KIF13B: variants seen among roughly 807,000 people sequenced by gnomAD.
KIF13B encodes kinesin family member 13B.
Under a neutral mutation model 222.0 loss-of-function variants are expected in KIF13B, and 127 were observed. The ratio of observed to expected loss-of-function variants is 0.57; its 90% CI spans 0.50 to 0.66. The LOEUF (loss-of-function observed/expected upper bound fraction) is 0.66. Among genes scored for constraint, KIF13B ranks in the 30% least tolerant of loss-of-function variants. The pLI is 0.00. For missense variants in KIF13B, 2,173 were observed against 2,379.0 expected (o/e 0.91, Z 1.80); for synonymous variants, 976 against 919.0 (o/e 1.06, Z -1.12).
rs538263784 is a variant in KIF13B, at chr8:29,139,527, C to G, written c.2613+536G>C. 2.0e-3 allele frequency among the ~76,000 whole-genome samples: 312 copies of G among 152,284 alleles called. 1 individual carries two copies. Among genetic ancestry groups the G allele is most frequent in the Non-Finnish European group, 2.2e-3 (149 of 68,016 alleles). On this transcript the variant is annotated intron_variant, in intron 21 of 39. Transcript: ENST00000524189. ...ACACCAGAAGCCCTCTCAATATACG[C>G]GAAGTCTTACAGAAAGCAGCCCAAC...
Position 29,192,407 on chromosome 8 carries a change from T to C in KIF13B, c.163-1350A>G, listed in dbSNP as rs188229846. Among the ~76,000 whole-genome samples the C allele has an allele frequency of 2.3e-3, 353 of 152,254 alleles. 2 individuals carry two copies. Among genetic ancestry groups the C allele is most frequent in the African/African-American group, 8.2e-3 (341 of 41,568 alleles). On this transcript the variant is annotated intron_variant, in intron 3 of 39. Coordinates refer to ENST00000524189, the MANE Select transcript of KIF13B (RefSeq NM_015254.4). ...TGCTGGTCCTTGAAGTTATATATGTTGTTGTTGTGTTTTTCTAGTTTTGTG... is the reference window on the plus strand; with the variant it reads ...TGCTGGTCCTTGAAGTTATATATGTCGTTGTTGTGTTTTTCTAGTTTTGTG...
chr8:29,223,309 CTGAG>C (rs1814849245), intron 2 of KIF13B, among the ~76,000 whole-genome samples: 1 of 132,488 alleles, frequency 7.5e-6, no homozygotes, highest in South Asian at 2.4e-4. Context: ...GCACTCCAGC[CTGAG>C]TGAGAGAGAC....
chr8:29,164,058 C>T (rs1811891055), intron 12 of KIF13B, among the ~76,000 whole-genome samples: 1 of 152,186 alleles, frequency 6.6e-6, no homozygotes, highest in African/African-American at 2.4e-5. Context: ...CAACACTGGC[C>T]ATATGCTGAT....
intron 2 of KIF13B, among the ~76,000 whole-genome samples, chr8:29,237,904 T>C (rs1274241979): frequency 6.6e-6 from 1 of 152,192 alleles, no homozygotes; most frequent in Non-Finnish European, 1.5e-5. Context: ...TGAGGAATCA[T>C]ATACAACTTC....
At position 29,245,369 on chromosome 8, in the gene KIF13B, C is replaced by G. The variant is rs192135902; in HGVS notation, c.126G>C (p.Thr42=). 5.1e-5 allele frequency: 81 copies of G among 1,599,112 alleles called. No homozygotes were observed. The African/African-American group carries it at 9.2e-4, about 18-fold the overall frequency. ...ACCGGGCATCTCCTTTGGAAAGATT[C>G]GTATTTACAGGATTAAGAATAACCT... The part of the protein sequence containing the change: ...ANKVILNPVN[T]NLSKGDARGQ... The change falls in exon 2 of 40, where the codon ACG becomes ACC. Residue 42 remains threonine (T), a synonymous_variant. Coordinates refer to ENST00000524189, the MANE Select transcript of KIF13B (RefSeq NM_015254.4).
chr8:29,096,338 C>T (rs117883148), intron 36 of KIF13B, among the ~76,000 whole-genome samples: 1,369 of 136,744 alleles, frequency 0.01, 13 homozygotes, highest in Middle Eastern at 0.03. Context: ...CTCACTCTGT[C>T]GCCTAGACCT....
At chr8:29,249,908 C>A in intron 1 of KIF13B, 1 of 560,752 alleles carries the variant, frequency 1.8e-6, no homozygotes, top group Non-Finnish European at 3.0e-6. Context: ...GTCTTTAAAT[C>A]TGCTCTAGAC....
intron 35 of KIF13B, among the ~76,000 whole-genome samples, chr8:29,101,481 T>C (rs914930131): frequency 2.6e-5 from 4 of 151,942 alleles, no homozygotes; most frequent in African/African-American, 9.7e-5. Context: ...ATTATGGAGG[T>C]GCCACCTCTT....
chr8:29,232,914 T>C (rs531278414), intron 2 of KIF13B, among the ~76,000 whole-genome samples: 5 of 152,148 alleles, frequency 3.3e-5, no homozygotes, highest in Admixed American at 2.0e-4. Context: ...CCCAGCACTT[T>C]CGGAGGCCAA....
At chr8:29,138,723 C>T (rs1039394245) in intron 21 of KIF13B, 1 of 152,092 alleles carries the variant, frequency 6.6e-6, no homozygotes, top group Non-Finnish European at 1.5e-5. Context: ...AGAATCCAGA[C>T]TATGGGAAAC....
intron 5 of KIF13B, among the ~76,000 whole-genome samples, chr8:29,186,918 G>A (rs1177365582): frequency 1.3e-5 from 2 of 149,178 alleles, no homozygotes; most frequent in African/African-American, 2.5e-5. Context: ...GCAGTGAGCC[G>A]AGATTGCGCC....
At chr8:29,173,953 A>C (rs1209840526) in intron 10 of KIF13B, among the ~76,000 whole-genome samples, 1 of 151,964 alleles carries the variant, frequency 6.6e-6, no homozygotes, top group Non-Finnish European at 1.5e-5. Context: ...AAAAAAAAAA[A>C]AAAAACTCAT....
intron 13 of KIF13B, 144 bp from the exon 14 acceptor site, chr8:29,156,000 G>T (rs1811507510): frequency 1.7e-6 from 1 of 576,506 alleles, no homozygotes; most frequent in Non-Finnish European, 3.0e-6. Flanking sequence ...ACAGAGTCTT[G>T]CTCTATCCCC....
chr8:29,131,288 G>GT (rs1810332909), intron 23 of KIF13B, among the ~76,000 whole-genome samples: 1 of 150,666 alleles, frequency 6.6e-6, no homozygotes, highest in African/African-American at 2.4e-5. Flanking sequence ...ATATACCCAG[G>GT]TAAACAACCT....
At position 29,224,533 on chromosome 8, in the gene KIF13B, T is replaced by A. The variant is rs552300892; in HGVS notation, c.149+20813A>T. 1.5e-4 allele frequency among the ~76,000 whole-genome samples: 23 copies of A among 152,340 alleles called. No homozygotes were observed. In the South Asian group the frequency reaches 4.8e-3, roughly 32 times the overall value. On this transcript the variant is annotated intron_variant, in intron 2 of 39. Transcript: ENST00000524189. ...CGAAAACAGCTGTGATTTGTATTGGTGACAAAGTCACAGGTACTGCTAATA... is the reference window on the plus strand; with the variant it reads ...CGAAAACAGCTGTGATTTGTATTGGAGACAAAGTCACAGGTACTGCTAATA...
chr8:29,118,851 A>G lies in KIF13B; in HGVS notation c.3660+17T>C, dbSNP rs751243133. 1 of 1,612,900 alleles carries G rather than the reference A, an allele frequency of 6.2e-7. No individual in the cohort carries two copies. Among genetic ancestry groups the G allele is most frequent in the East Asian group, 2.2e-5 (1 of 44,878 alleles). Reference sequence around the variant, plus strand: ...AACCACTTTTCATCTGACCATCCCAAGTTAGGCTTTCCTTACCTCCCCATC... The same window carrying G: ...AACCACTTTTCATCTGACCATCCCAGGTTAGGCTTTCCTTACCTCCCCATC... On this transcript the variant is annotated intron_variant, in intron 30 of 39. Coordinates refer to ENST00000524189, the MANE Select transcript of KIF13B (RefSeq NM_015254.4).
chr8:29,126,619 T>C, intron 25 of KIF13B, 108 bp from the exon 26 acceptor site: 2 of 730,932 alleles, frequency 2.7e-6, no homozygotes, highest in Non-Finnish European at 4.7e-6. Flanking sequence ...TCCAATTGAA[T>C]TAATATACTA....
chr8:29,204,026 A>C (rs750544840), intron 2 of KIF13B, among the ~76,000 whole-genome samples: 1 of 152,166 alleles, frequency 6.6e-6, no homozygotes, highest in African/African-American at 2.4e-5. Context: ...GCAGTTAGAC[A>C]TCTCCTGTGT....
intron 2 of KIF13B, among the ~76,000 whole-genome samples, chr8:29,221,539 G>A (rs1208828414): frequency 6.6e-6 from 1 of 151,622 alleles, no homozygotes; most frequent in African/African-American, 2.4e-5. Context: ...AATAGGAGAA[G>A]AGGTAAAAAG....
Sources: gnomAD v4.1 joint callset for allele counts (sites outside exome capture counted in the v4.1 genomes callset) on GRCh38, gnomAD v4.1.1 for gene constraint, MANE v1.5 for transcripts, NCBI Gene and HGNC (gene_info 2026-07-23, HGNC 2026-07-21) for gene names.